The following INPP5F variants were observed in gnomAD, a reference collection of about 807,000 sequenced individuals.
INPP5F encodes the protein phosphatidylinositide 4-phosphatase SAC2.
INPP5F carries 97 observed loss-of-function variants against 137.2 expected under a neutral mutation model. The ratio of observed to expected loss-of-function variants is 0.71; its 90% CI spans 0.60 to 0.84. The LOEUF (loss-of-function observed/expected upper bound fraction) is 0.84. INPP5F is among the 40% of genes least tolerant of loss of function. INPP5F has a pLI of 0.00. For synonymous variants in INPP5F, 504 were observed against 476.9 expected (o/e 1.06, Z -0.74); for missense variants, 1,271 against 1,371.9 (o/e 0.93, Z 1.16).
chr10:119,736,239 G>A (rs761063592), intron 1 of INPP5F, among the ~76,000 whole-genome samples: 1 of 152,180 alleles, frequency 6.6e-6, no homozygotes, highest in Non-Finnish European at 1.5e-5. Context: ...TCTAATCTTT[G>A]TTTGAGGTGG....
Position 119,823,864 on chromosome 10 carries a change from G to A in INPP5F, c.2211G>A (p.Met737Ile). ...TGCTGCAGATCACCAAGCAAGCCAT[G>A]GGATCGGATTTACCCATAATTGAGA... Reference protein sequence around the residue: ...AEMLQITKQAMGSDLPIIEKK... With the variant: ...AEMLQITKQAIGSDLPIIEKK... The change falls in exon 19 of 20, where the codon ATG becomes ATA. Residue 737 changes from methionine (M) to isoleucine (I), a missense_variant. Physicochemically the swap from Met to Ile is conservative, Grantham distance 10 (BLOSUM62 1). Transcript: ENST00000650623. 1 of 1,614,044 alleles carries A rather than the reference G, an allele frequency of 6.2e-7. No individual in the cohort carries two copies. The highest frequency in any genetic ancestry group is 8.5e-7 in the Non-Finnish European group (1 of 1,179,958).
intron 2 of INPP5F, among the ~76,000 whole-genome samples, chr10:119,764,443 C>T (rs565771931): frequency 3.0e-4 from 45 of 152,304 alleles, no homozygotes; most frequent in Middle Eastern, 6.8e-3. Context: ...GCCTCTGCCA[C>T]CCCTGAGACC....
chr10:119,776,915 T>C (rs1187448412), intron 2 of INPP5F, among the ~76,000 whole-genome samples: 2 of 152,048 alleles, frequency 1.3e-5, no homozygotes, highest in African/African-American at 4.8e-5. Flanking sequence ...CATGCCCAGA[T>C]AACTTGTGTA....
rs368886531 is a variant in INPP5F, at chr10:119,791,946, A to G, written c.522A>G (p.Glu174=). Reference sequence around the variant, plus strand: ...TGCTGAAGATGTTCATGGACTCAGAATCCTTTTATTATAGCTTGACCTATG... The same window carrying G: ...TGCTGAAGATGTTCATGGACTCAGAGTCCTTTTATTATAGCTTGACCTATG... ...EELLKMFMDS[E]SFYYSLTYDL... is the part of the protein sequence containing the mutation. Residue 174 remains glutamate, a synonymous_variant, in exon 5 of 20, where the codon GAA becomes GAG. Transcript: ENST00000650623. The G allele has an allele frequency of 1.2e-6, 2 of 1,613,972 alleles. No individual in the cohort carries two copies. The highest frequency in any genetic ancestry group is 1.3e-5 in the African/African-American group (1 of 74,922).
intron 1 of INPP5F, among the ~76,000 whole-genome samples, chr10:119,726,740 C>G (rs1847905058): frequency 6.6e-6 from 1 of 152,222 alleles, no homozygotes; most frequent in South Asian, 2.1e-4. Flanking sequence ...TGGCCTTCGC[C>G]AGAAGTTCTG....
chr10:119,730,635 A>G, intron 1 of INPP5F, among the ~76,000 whole-genome samples: 1 of 152,136 alleles, frequency 6.6e-6, no homozygotes, highest in Non-Finnish European at 1.5e-5. Flanking sequence ...AGTATTATAT[A>G]ATTTATAGCT....
chr10:119,805,556 T>C, intron 11 of INPP5F, 95 bp downstream of exon 11: 1 of 766,954 alleles, frequency 1.3e-6, no homozygotes, highest in Non-Finnish European at 2.1e-6. Flanking sequence ...AGAGACAGCA[T>C]TTTTTTTTGT....
In INPP5F at chr10:119,748,852, T is replaced by C. The variant is rs1848613558; in HGVS notation, c.98-2224T>C. Among the ~76,000 whole-genome samples, 1 of 151,934 alleles carries C rather than the reference T, an allele frequency of 6.6e-6. No individual in the cohort carries two copies. The highest frequency in any genetic ancestry group is 1.5e-5 in the Non-Finnish European group (1 of 67,964). On this transcript the variant is annotated intron_variant, in intron 1 of 19. Transcript: ENST00000650623. This position sits in a 1 kb window ranked among gnomAD's most constrained non-coding sequence, Gnocchi z 4.7. ...GGTTGTCCCTGGCTTGAAGGTGGGG[T>C]TTTACCTGTGATCTGCCCCTTTCTG...
chr10:119,798,535 C>A lies in INPP5F; in HGVS notation c.1049-8C>A. The A allele has an allele frequency of 6.2e-7, 1 of 1,605,570 alleles. No individual in the cohort carries two copies. The highest frequency in any genetic ancestry group is 8.5e-7 in the Non-Finnish European group (1 of 1,174,344). Reference sequence around the variant, plus strand: ...AGGAAAAAAAGATTTTGTATCACTTCTTTGTAGGTGAAAAGGAAACTGTTG... The same window carrying A: ...AGGAAAAAAAGATTTTGTATCACTTATTTGTAGGTGAAAAGGAAACTGTTG... On this transcript the variant is annotated splice_polypyrimidine_tract_variant and splice_region_variant and intron_variant, in intron 8 of 19. Coordinates refer to ENST00000650623, the MANE Select transcript of INPP5F (RefSeq NM_014937.4).
chr10:119,746,946 G>A (rs769839477), intron 1 of INPP5F, among the ~76,000 whole-genome samples: 1 of 152,190 alleles, frequency 6.6e-6, no homozygotes, highest in East Asian at 1.9e-4. Context: ...GTGCCAACAC[G>A]TTCAGCTAAT....
intron 1 of INPP5F, among the ~76,000 whole-genome samples, chr10:119,742,152 C>CTTATTTGT (rs1554883936): frequency 4.7e-5 from 7 of 150,106 alleles, no homozygotes; most frequent in African/African-American, 1.7e-4. Context: ...TGTTATTTTA[C>CTTATTTGT]TTATTTATTT....
At chr10:119,743,742 G>A (rs528786155) in intron 1 of INPP5F, among the ~76,000 whole-genome samples, 1 of 152,202 alleles carries the variant, frequency 6.6e-6, no homozygotes, top group East Asian at 1.9e-4. Flanking sequence ...CAAGGCTGTG[G>A]GAGGTGGACA....
chr10:119,811,769 G>A lies in INPP5F; in HGVS notation c.1700G>A (p.Gly567Asp), dbSNP rs759577109. 9 of 1,613,252 alleles carry A rather than the reference G, an allele frequency of 5.6e-6. No homozygotes were observed. Residue 567 changes from glycine to aspartate, a missense_variant, in exon 15 of 20, where the codon GGC becomes GAC. This residue lies in a region of INPP5F where 593 missense variants were observed against 712.4 expected (regional missense o/e 0.83). Transcript: ENST00000650623. ...AATTCCACCCTAGATTTGATGCAAG[G>A]CATTCCAGTGACAGAAGATCTTTAT... ...YRQAVIDLMQGIPVTEDLYSI... is the reference protein window; with the variant it reads ...YRQAVIDLMQDIPVTEDLYSI...
At chr10:119,795,944 G>A (rs940371891) in intron 6 of INPP5F, among the ~76,000 whole-genome samples, 9 of 152,090 alleles carry the variant, frequency 5.9e-5, no homozygotes, top group African/African-American at 9.7e-5. Flanking sequence ...CAGGCGTGGC[G>A]GCGCGCGCCT....
intron 3 of INPP5F, among the ~76,000 whole-genome samples, chr10:119,790,060 TG>T (rs889609966): frequency 9.7e-5 from 3 of 30,860 alleles, no homozygotes; most frequent in African/African-American, 3.9e-4. Context: ...GGGGGTGGGG[TG>T]GGGGGCGAGT....
At chr10:119,745,671 A>G (rs1176077505) in intron 1 of INPP5F, among the ~76,000 whole-genome samples, 2 of 140,402 alleles carry the variant, frequency 1.4e-5, no homozygotes, top group Non-Finnish European at 3.1e-5. Flanking sequence ...TCTGCTTGCC[A>G]TGGTCTCCAG....
chr10:119,788,006 A>G (rs922828392), intron 3 of INPP5F, among the ~76,000 whole-genome samples: 1 of 152,204 alleles, frequency 6.6e-6, no homozygotes, highest in Non-Finnish European at 1.5e-5. Flanking sequence ...GGCAAAAGAT[A>G]GGGATCTGAA....
Position 119,795,496 on chromosome 10 carries a change from C to T in INPP5F, c.670-1219C>T, listed in dbSNP as rs564162815. ...CAGACGATGGGCGGCCGGGCAGAGA[C>T]GCTCCTCACTTCCCAGATGTGATGG... On this transcript the variant is annotated intron_variant, in intron 6 of 19. Transcript: ENST00000650623. 2.0e-5 allele frequency among the ~76,000 whole-genome samples: 3 copies of T among 151,408 alleles called. No individual in the cohort carries two copies. The East Asian group carries it at 5.9e-4, about 30-fold the overall frequency.
Position 119,810,540 on chromosome 10 carries a change from G to A in INPP5F, c.1687+323G>A, listed in dbSNP as rs1262118678. Among the ~76,000 whole-genome samples, 4 of 152,084 alleles carry A rather than the reference G, an allele frequency of 2.6e-5. No homozygotes were observed. In the East Asian group the frequency reaches 5.8e-4, roughly 22 times the overall value. ...TCAACAATTAAAAACTTCATATTCC[G>A]TTTGTTTTCTCATTACTCAAGGCTG... is the stretch of plus-strand genomic sequence containing the variant. On this transcript the variant is annotated intron_variant, in intron 14 of 19. Transcript: ENST00000650623.
Sources: allele counts gnomAD v4.1 joint callset (sites outside exome capture counted in the v4.1 genomes callset), GRCh38; gene constraint gnomAD v4.1.1; regional missense constraint gnomAD v4.1.1; non-coding constraint Gnocchi (gnomAD v3.1); transcripts MANE v1.5; gene names NCBI Gene and HGNC (gene_info 2026-07-23, HGNC 2026-07-21).